The following INPP5A variants were observed in gnomAD, a reference collection of about 807,000 sequenced individuals.
INPP5A encodes inositol polyphosphate-5-phosphatase A, also known as 43 kDa inositol polyphosphate 5-phophatase.
Under a neutral mutation model 65.2 loss-of-function variants are expected in INPP5A, and 14 were observed. The ratio of observed to expected loss-of-function variants is 0.21; its 90% CI spans 0.14 to 0.34. INPP5A has a LOEUF of 0.34. INPP5A is among the 10% of genes least tolerant of loss of function. INPP5A has a pLI of 1.00. For missense variants in INPP5A, 431 were observed against 545.6 expected, an observed-to-expected ratio of 0.79 and a Z score of 2.09; for synonymous variants, 207 against 208.3, an observed-to-expected ratio of 0.99 and a Z score of 0.05.
In INPP5A at chr10:132,556,334, G is replaced by A. The variant is rs576251867; in HGVS notation, c.75+18163G>A. Among the ~76,000 whole-genome samples the A allele has an allele frequency of 5.1e-3, 776 of 152,218 alleles. 5 individuals carry two copies. The highest frequency in any genetic ancestry group is 0.018 in the African/African-American group (746 of 41,522). Reference sequence around the variant, plus strand: ...TGGACACTGAGGCTGTTTCCTGTTCGGCTGTCACATGGGCTGATGCGGCGA... The same window carrying A: ...TGGACACTGAGGCTGTTTCCTGTTCAGCTGTCACATGGGCTGATGCGGCGA... On this transcript the variant is annotated intron_variant, in intron 1 of 15. Transcript: ENST00000368594.
chr10:132,671,397 T>TCCGCCCTCCCTGCTCC (rs1564958023), intron 4 of INPP5A, among the ~76,000 whole-genome samples: 67 of 76,846 alleles, frequency 8.7e-4, no homozygotes, highest in Non-Finnish European at 1.1e-3. Context: ...CTCCCTGCTC[T>TCCGCCCTCCCTGCTCC]GGACTCCGCC....
rs760176056 is a variant in INPP5A at position 132,749,617 on chromosome 10, G to A, written c.828+5G>A. On this transcript the variant is annotated splice_donor_5th_base_variant and intron_variant, in intron 10 of 15. Transcript: ENST00000368594. ...GAGTCGGACAACGACCGGAAGGTGA[G>A]CGGGGCCTGTGACTGGGCAGGTGAC... 2.5e-6 allele frequency: 4 copies of A among 1,612,690 alleles called. No individual in the cohort carries two copies. Among genetic ancestry groups the A allele is most frequent in the South Asian group, 1.1e-5 (1 of 91,086 alleles).
rs1367792808 is a variant in INPP5A, at chr10:132,587,519, A to G, written c.76-20396A>G. ...CTTTGTCCACAGGGTCCCTGTAACCAGAGCTGTTGGGACGCGGGGAGCAGG... is the reference window on the plus strand; with the variant it reads ...CTTTGTCCACAGGGTCCCTGTAACCGGAGCTGTTGGGACGCGGGGAGCAGG... On this transcript the variant is annotated intron_variant, in intron 1 of 15. Transcript: ENST00000368594. The surrounding 1 kb of genome is among the most constrained non-coding windows in gnomAD (Gnocchi z 4.3). Among the ~76,000 whole-genome samples the G allele has an allele frequency of 2.0e-5, 3 of 152,192 alleles. No homozygotes were observed. Among genetic ancestry groups the G allele is most frequent in the African/African-American group, 4.8e-5 (2 of 41,450 alleles).
At chr10:132,742,559 T>G (rs1392029573) in intron 9 of INPP5A, among the ~76,000 whole-genome samples, 1 of 152,248 alleles carries the variant, frequency 6.6e-6, no homozygotes, top group Non-Finnish European at 1.5e-5. Flanking sequence ...TCAGGCTGTG[T>G]CCAGCCAGAG....
chr10:132,643,718 G>A (rs1346693410), intron 2 of INPP5A, among the ~76,000 whole-genome samples: 1 of 152,106 alleles, frequency 6.6e-6, no homozygotes, highest in Non-Finnish European at 1.5e-5. Context: ...GAGGTGCTGT[G>A]ACCAAGGCCA....
At chr10:132,708,265 T>C in intron 6 of INPP5A, 48 bp from the exon 7 acceptor site, 1 of 1,579,060 alleles carries the variant, frequency 6.3e-7, no homozygotes, top group Non-Finnish European at 8.7e-7. Flanking sequence ...CACGTGTTGC[T>C]CTTGCTCACT....
rs1051755908 is a variant in INPP5A at position 132,547,985 on chromosome 10, C to T, written c.75+9814C>T. The stretch of plus-strand genomic sequence containing the variant: ...CGTGATCTCACCTCACTGCGACCTC[C>T]GCCTCCCAGGTTCAAGCAGTTCTCC... On this transcript the variant is annotated intron_variant, in intron 1 of 15. Coordinates refer to ENST00000368594, the MANE Select transcript of INPP5A (RefSeq NM_005539.5). The surrounding 1 kb of genome is among the most constrained non-coding windows in gnomAD (Gnocchi z 5.5). Among the ~76,000 whole-genome samples, 3 of 151,948 alleles carry T rather than the reference C, an allele frequency of 2.0e-5. No individual in the cohort carries two copies. The highest frequency in any genetic ancestry group is 7.3e-5 in the African/African-American group (3 of 41,336).
chr10:132,752,022 AGGTGCCCAGGAAGCGTCTGCGTGAAGGGG>A (rs1846492250), intron 11 of INPP5A, among the ~76,000 whole-genome samples: 1 of 114,978 alleles, frequency 8.7e-6, no homozygotes, highest in Admixed American at 8.8e-5. Flanking sequence ...GGGTAGAGGC[AGGTGCCCAGGAAGCGTCTGCGTGAAGGGG>A]GGTGCCCAGG....
intron 4 of INPP5A, among the ~76,000 whole-genome samples, chr10:132,689,785 T>C (rs780814393): frequency 1.3e-5 from 2 of 152,362 alleles, no homozygotes; most frequent in African/African-American, 4.8e-5. Context: ...CCGCGTACTT[T>C]TGCCTTCTCT....
chr10:132,733,129 C>T lies in INPP5A; in HGVS notation c.732+6224C>T, dbSNP rs542743047. On this transcript the variant is annotated intron_variant, in intron 9 of 15. Coordinates refer to ENST00000368594, the MANE Select transcript of INPP5A (RefSeq NM_005539.5). ...CATCACCTCCGTCTGCGCCTCCATC[C>T]TCATGTGGCCTTTTCTTGCAAGGAC... 7.4e-4 allele frequency among the ~76,000 whole-genome samples: 113 copies of T among 152,342 alleles called. 2 individuals are homozygous for T. The highest frequency in any genetic ancestry group is 4.8e-3 in the East Asian group (25 of 5,176).
At chr10:132,600,718 C>T (rs1182523392) in intron 1 of INPP5A, among the ~76,000 whole-genome samples, 1 of 152,178 alleles carries the variant, frequency 6.6e-6, no homozygotes, top group Non-Finnish European at 1.5e-5. Context: ...CTTACAGTTC[C>T]ACATCACTGG....
intron 2 of INPP5A, among the ~76,000 whole-genome samples, chr10:132,614,670 A>G (rs1483325995): frequency 6.6e-6 from 1 of 152,230 alleles, no homozygotes; most frequent in African/African-American, 2.4e-5. Flanking sequence ...TGCTGTCTTC[A>G]GAATGCTTAT....
chr10:132,724,470 A>G (rs1412174401), intron 8 of INPP5A, among the ~76,000 whole-genome samples: 1 of 152,212 alleles, frequency 6.6e-6, no homozygotes, highest in Non-Finnish European at 1.5e-5. Flanking sequence ...GACTATATGG[A>G]AATTAAAACT....
intron 9 of INPP5A, among the ~76,000 whole-genome samples, chr10:132,728,788 G>C (rs1170373324): frequency 6.6e-6 from 1 of 152,230 alleles, no homozygotes. Flanking sequence ...GTCCTGGCCG[G>C]GTCAGAGCCG....
chr10:132,773,110 G>A (rs1445910449), intron 12 of INPP5A, among the ~76,000 whole-genome samples: 2 of 152,266 alleles, frequency 1.3e-5, no homozygotes. Flanking sequence ...GGCCGGCGCA[G>A]GGTGCGGTGG....
chr10:132,540,901 ACT>A (rs1183404593), intron 1 of INPP5A, among the ~76,000 whole-genome samples: 1 of 151,716 alleles, frequency 6.6e-6, no homozygotes. Flanking sequence ...ACTGTGGCGG[ACT>A]CTGTTTTCCT....
At position 132,780,827 on chromosome 10, in the gene INPP5A, C is replaced by A; in HGVS notation, c.1090-22C>A. 3 of 1,610,832 alleles carry A rather than the reference C, an allele frequency of 1.9e-6. No homozygotes were observed. The South Asian group carries it at 3.3e-5, about 18-fold the overall frequency. On this transcript the variant is annotated intron_variant, in intron 13 of 15. Coordinates refer to ENST00000368594, the MANE Select transcript of INPP5A (RefSeq NM_005539.5). The stretch of plus-strand genomic sequence containing the variant: ...AGGGTGCCCCACCTCCCCACACTCA[C>A]CTGTCTGTTTCCCCTTTCCAGTCGG...
chr10:132,747,128 T>C (rs1268815880), intron 9 of INPP5A, among the ~76,000 whole-genome samples: 1 of 152,230 alleles, frequency 6.6e-6, no homozygotes, highest in Non-Finnish European at 1.5e-5. Flanking sequence ...ATGGCTACAA[T>C]GGCCGTCTGC....
At chr10:132,554,037 G>A (rs759514997) in intron 1 of INPP5A, among the ~76,000 whole-genome samples, 27 of 148,484 alleles carry the variant, frequency 1.8e-4, no homozygotes, top group Middle Eastern at 4.0e-3. Context: ...TCAGAGCCTT[G>A]GTGGCATATT....
Sources: gnomAD v4.1 joint callset for allele counts (sites outside exome capture counted in the v4.1 genomes callset) on GRCh38, gnomAD v4.1.1 for gene constraint, Gnocchi (gnomAD v3.1) non-coding constraint, MANE v1.5 for transcripts, NCBI Gene and HGNC (gene_info 2026-07-23, HGNC 2026-07-21) for gene names.